The following ITPR3 variants were observed in gnomAD, a reference collection of about 807,000 sequenced individuals.
The protein encoded by ITPR3 is inositol 1,4,5-trisphosphate-gated calcium channel ITPR3.
ITPR3 carries 173 observed loss-of-function variants against 293.2 expected under a neutral mutation model. The ratio of observed to expected loss-of-function variants is 0.59; its 90% CI spans 0.52 to 0.67. ITPR3 has a LOEUF of 0.67. Ranked by LOEUF, ITPR3 falls within the 30% of genes least tolerant of loss-of-function variation. The probability of loss-of-function intolerance (pLI) is 0.00; values close to 1 mark genes in which losing one functional copy is unlikely to be tolerated. For missense variants in ITPR3, 2,796 were observed against 3,592.1 expected (o/e 0.78, Z 5.66); for synonymous variants, 1,295 against 1,444.4 (o/e 0.90, Z 2.35).
intron 51 of ITPR3, 59 bp downstream of exon 51, chr6:33,690,257 A>G: frequency 6.6e-7 from 1 of 1,505,568 alleles, no homozygotes; most frequent in Non-Finnish European, 9.1e-7. Context: ...GGGGCTTCCC[A>G]TGAGTTGTTG....
Position 33,654,152 on chromosome 6 carries a change from C to T in ITPR3, c.161-1614C>T, listed in dbSNP as rs1764254776. Among the ~76,000 whole-genome samples, 1 of 152,116 alleles carries T rather than the reference C, an allele frequency of 6.6e-6. No individual in the cohort carries two copies. The highest frequency in any genetic ancestry group is 2.1e-4 in the South Asian group (1 of 4,826). ...GCATGGTGGTGCATGCCTGTAATCC[C>T]AGCTACTTGGGAGGCTGAGACAGGA... On this transcript the variant is annotated intron_variant, in intron 2 of 57. Transcript: ENST00000605930. This position sits in a 1 kb window ranked among gnomAD's most constrained non-coding sequence, Gnocchi z 4.1.
intron 57 of ITPR3, 98 bp downstream of exon 57, chr6:33,695,183 C>A: frequency 1.5e-6 from 2 of 1,349,264 alleles, no homozygotes; most frequent in Non-Finnish European, 2.0e-6. Flanking sequence ...TCCCCACTGG[C>A]CTCTGGCCCT....
rs1582152961 is a variant in ITPR3 at position 33,679,574 on chromosome 6, G to A, written c.3973-308G>A. Reference sequence around the variant, plus strand: ...GTAACTGCTGCGGGAGCACAGGGGAGGGAGGGGGTGAGCAAGGCGGGATTA... The same window carrying A: ...GTAACTGCTGCGGGAGCACAGGGGAAGGAGGGGGTGAGCAAGGCGGGATTA... On this transcript the variant is annotated intron_variant, in intron 30 of 57. Coordinates refer to ENST00000605930, the MANE Select transcript of ITPR3 (RefSeq NM_002224.4). The surrounding 1 kb of genome is among the most constrained non-coding windows in gnomAD (Gnocchi z 4.2). Among the ~76,000 whole-genome samples, 1 of 152,230 alleles carries A rather than the reference G, an allele frequency of 6.6e-6. No homozygotes were observed. Among genetic ancestry groups the A allele is most frequent in the African/African-American group, 2.4e-5 (1 of 41,454 alleles).
chr6:33,671,932 C>A, intron 21 of ITPR3, 97 bp from the exon 22 acceptor site: 1 of 1,195,236 alleles, frequency 8.4e-7, no homozygotes, highest in Non-Finnish European at 1.2e-6. Flanking sequence ...CTGACATAAA[C>A]AGATTATGCA....
intron 49 of ITPR3, 104 bp from the exon 50 acceptor site, chr6:33,689,134 C>A: frequency 7.4e-7 from 1 of 1,348,672 alleles, no homozygotes; most frequent in Non-Finnish European, 1.0e-6. Context: ...GGAACTTAAC[C>A]GGGAAGGCGG....
At chr6:33,671,615 C>T (rs1440548771) in intron 21 of ITPR3, among the ~76,000 whole-genome samples, 1 of 152,176 alleles carries the variant, frequency 6.6e-6, no homozygotes, top group Non-Finnish European at 1.5e-5. Flanking sequence ...GAGGCACAGC[C>T]TGTCTGAGGG....
intron 8 of ITPR3, 70 bp downstream of exon 8, chr6:33,662,744 C>T: frequency 6.3e-7 from 1 of 1,578,008 alleles, no homozygotes; most frequent in South Asian, 1.1e-5. Flanking sequence ...TCCCCACCAT[C>T]CTGGAGGGTG....
intron 27 of ITPR3, 105 bp downstream of exon 27, chr6:33,677,194 C>T: frequency 9.7e-7 from 1 of 1,028,858 alleles, no homozygotes; most frequent in Non-Finnish European, 1.5e-6. Flanking sequence ...GCCACTGGCC[C>T]TCACAAGAGA....
Position 33,675,648 on chromosome 6 carries a change from T to A in ITPR3, c.3117-43T>A. The A allele has an allele frequency of 6.5e-7, 1 of 1,532,178 alleles. No individual in the cohort carries two copies. Among genetic ancestry groups the A allele is most frequent in the Non-Finnish European group, 8.8e-7 (1 of 1,135,374 alleles). 94.9% of individuals were successfully genotyped at this position (1,532,178 alleles called of 1,614,324 possible). A position where few individuals can be genotyped will look rare whatever the true frequency, so the allele number is the denominator to read the frequency against. ...CTTACCCACCACGGACAGCAGGGAG[T>A]GTGCCAGTCTCACCCATGCGCCCTG... is the stretch of plus-strand genomic sequence containing the variant. On this transcript the variant is annotated intron_variant, in intron 24 of 57. Coordinates refer to ENST00000605930, the MANE Select transcript of ITPR3 (RefSeq NM_002224.4). This position sits in a 1 kb window ranked among gnomAD's most constrained non-coding sequence, Gnocchi z 5.0.
chr6:33,621,539 G>T lies in ITPR3; in HGVS notation c.-64G>T. Reference sequence around the variant, plus strand: ...CGCTCCCCGGACGCCTCAGTCCTCCGCACTGAGCTTGGCCACGCGCCCCTA... The same window carrying T: ...CGCTCCCCGGACGCCTCAGTCCTCCTCACTGAGCTTGGCCACGCGCCCCTA... On this transcript the variant is annotated 5_prime_UTR_variant, in exon 1 of 58. Coordinates refer to ENST00000605930, the MANE Select transcript of ITPR3 (RefSeq NM_002224.4). This position sits in a 1 kb window ranked among gnomAD's most constrained non-coding sequence, Gnocchi z 7.7. 3.2e-6 allele frequency: 4 copies of T among 1,238,784 alleles called. No homozygotes were observed. The South Asian group carries it at 5.1e-5, about 16-fold the overall frequency. 76.7% of individuals were successfully genotyped at this position (1,238,784 alleles called of 1,614,324 possible).
In ITPR3 at chr6:33,633,450, C is replaced by G. The variant is rs1251907525; in HGVS notation, c.90-7034C>G. ...CGGCTAGTTTGATAAACACAGGTGC[C>G]CGCCATGAGGAAGAGTCGGGGTGGG... On this transcript the variant is annotated intron_variant, in intron 1 of 57. Transcript: ENST00000605930. This position sits in a 1 kb window ranked among gnomAD's most constrained non-coding sequence, Gnocchi z 5.2. 6.6e-6 allele frequency among the ~76,000 whole-genome samples: 1 copy of G among 152,164 alleles called. No homozygotes were observed. The highest frequency in any genetic ancestry group is 2.4e-5 in the African/African-American group (1 of 41,446).
intron 24 of ITPR3, among the ~76,000 whole-genome samples, chr6:33,674,471 C>G (rs1320403678): frequency 6.6e-6 from 1 of 152,250 alleles, no homozygotes; most frequent in Non-Finnish European, 1.5e-5. Context: ...GTCATCCCGT[C>G]ATTCTTCCAC....
At chr6:33,680,704 C>T (rs777924136) in intron 33 of ITPR3, 24 bp downstream of exon 33, 5 of 1,596,858 alleles carry the variant, frequency 3.1e-6, no homozygotes, top group Non-Finnish European at 2.6e-6. Context: ...CTCCCACCAC[C>T]CCAGGGCCGA....
At chr6:33,668,746 C>T in intron 17 of ITPR3, 112 bp downstream of exon 17, 6 of 1,497,954 alleles carry the variant, frequency 4.0e-6, no homozygotes, top group Non-Finnish European at 5.5e-6. Flanking sequence ...TTGCTCTCTG[C>T]AGCTGTGAAC....
chr6:33,669,218 T>G, intron 18 of ITPR3, 62 bp downstream of exon 18: 1 of 1,524,618 alleles, frequency 6.6e-7, no homozygotes, highest in Non-Finnish European at 8.9e-7. Flanking sequence ...CAGTAGGCCG[T>G]CAGTCAATCC....
intron 28 of ITPR3, 151 bp from the exon 29 acceptor site, chr6:33,678,270 C>G (rs982679381): frequency 1.0e-6 from 1 of 1,004,256 alleles, no homozygotes; most frequent in Non-Finnish European, 1.5e-6. Flanking sequence ...ACATTTCCAT[C>G]CTGACCTGGG....
At chr6:33,634,389 C>T (rs1358669102) in intron 1 of ITPR3, among the ~76,000 whole-genome samples, 1 of 152,078 alleles carries the variant, frequency 6.6e-6, no homozygotes, top group Non-Finnish European at 1.5e-5. Flanking sequence ...CCTGGCGGAC[C>T]CGGGAGAAAA....
intron 2 of ITPR3, among the ~76,000 whole-genome samples, chr6:33,644,322 CTTG>C (rs1764017767): frequency 6.6e-6 from 1 of 151,104 alleles, no homozygotes. Context: ...GGGGTTTCAC[CTTG>C]TTGTCCAGGC....
At position 33,666,073 on chromosome 6, in the gene ITPR3, T is replaced by C; in HGVS notation, c.1551+97T>C. The C allele has an allele frequency of 7.0e-7, 1 of 1,426,038 alleles. No individual in the cohort carries two copies. The highest frequency in any genetic ancestry group is 2.1e-5 in the Admixed American group (1 of 47,684). The allele number at this position is 1,426,038 out of a possible 1,614,324, so 88.3% of individuals were successfully genotyped here. ...CATCCCCCGCTTTAACAAAAATCAG[T>C]ATATATGGGGCACGACCACGTGCCA... On this transcript the variant is annotated intron_variant, in intron 14 of 57. Transcript: ENST00000605930. The surrounding 1 kb of genome is among the most constrained non-coding windows in gnomAD (Gnocchi z 5.1).
Sources: allele counts gnomAD v4.1 joint callset (sites outside exome capture counted in the v4.1 genomes callset), GRCh38; gene constraint gnomAD v4.1.1; non-coding constraint Gnocchi (gnomAD v3.1); transcripts MANE v1.5; gene names NCBI Gene and HGNC (gene_info 2026-07-23, HGNC 2026-07-21).